Variants in FBXL7 observed in about 807,000 individuals in gnomAD.
FBXL7 encodes F-box and leucine rich repeat protein 7.
Under a neutral mutation model 38.3 loss-of-function variants are expected in FBXL7, and 12 were observed. The ratio of observed to expected loss-of-function variants is 0.31; its 90% CI spans 0.20 to 0.51. The LOEUF is 0.51. FBXL7 is among the 20% of genes least tolerant of loss of function. The pLI, the probability that FBXL7 is intolerant of heterozygous loss-of-function variation, is 0.98. For missense variants in FBXL7, 567 were observed against 676.4 expected (o/e 0.84, Z 1.79); for synonymous variants, 297 against 300.9 (o/e 0.99, Z 0.13).
intron 1 of FBXL7, among the ~76,000 whole-genome samples, chr5:15,557,078 C>T (rs1052836388): frequency 6.6e-6 from 1 of 152,188 alleles, no homozygotes; most frequent in African/African-American, 2.4e-5. Context: ...GCTGGGACTA[C>T]AGGTGTCCAC....
intron 1 of FBXL7, among the ~76,000 whole-genome samples, chr5:15,574,292 A>G (rs1738888245): frequency 6.6e-6 from 1 of 152,232 alleles, no homozygotes; most frequent in South Asian, 2.1e-4. Flanking sequence ...GCAGATAGAT[A>G]AAATATGCTT....
intron 2 of FBXL7, among the ~76,000 whole-genome samples, chr5:15,633,850 G>A (rs76027611): frequency 0.085 from 12,868 of 150,922 alleles, 631 homozygotes; most frequent in South Asian, 0.13. Flanking sequence ...GCACGATCTC[G>A]GCTCACTACA....
At chr5:15,599,725 G>A (rs1739737470) in intron 1 of FBXL7, among the ~76,000 whole-genome samples, 1 of 152,174 alleles carries the variant, frequency 6.6e-6, no homozygotes, top group African/African-American at 2.4e-5. Flanking sequence ...GTGTGAAATT[G>A]AGCTGTAGAT....
At chr5:15,714,848 C>CAAAAA (rs35229749) in intron 2 of FBXL7, among the ~76,000 whole-genome samples, 1 of 76,660 alleles carries the variant, frequency 1.3e-5, no homozygotes, top group Non-Finnish European at 2.4e-5. Flanking sequence ...GAGTCCGTCT[C>CAAAAA]AAAAAAAAAA....
intron 2 of FBXL7, among the ~76,000 whole-genome samples, chr5:15,670,355 A>G (rs963152045): frequency 3.3e-5 from 5 of 152,196 alleles, no homozygotes; most frequent in African/African-American, 1.2e-4. Flanking sequence ...GTCTTTCTCC[A>G]TATGGTTTAC....
intron 2 of FBXL7, among the ~76,000 whole-genome samples, chr5:15,807,856 A>C (rs1440324809): frequency 6.6e-6 from 1 of 152,182 alleles, no homozygotes; most frequent in Non-Finnish European, 1.5e-5. Context: ...AGTGGTTACA[A>C]GTAAGTAACA....
chr5:15,885,888 T>C (rs920355934), intron 2 of FBXL7, among the ~76,000 whole-genome samples: 4 of 151,774 alleles, frequency 2.6e-5, no homozygotes, highest in African/African-American at 9.7e-5. Context: ...TTAATTTATT[T>C]TATTTTTTTT....
chr5:15,509,211 A>G (rs926363179), intron 1 of FBXL7, among the ~76,000 whole-genome samples: 1 of 152,208 alleles, frequency 6.6e-6, no homozygotes, highest in Non-Finnish European at 1.5e-5. Flanking sequence ...GCAGAGTGGC[A>G]GTTCTTCCTC....
chr5:15,730,882 C>A (rs1319134721), intron 2 of FBXL7, among the ~76,000 whole-genome samples: 1 of 152,134 alleles, frequency 6.6e-6, no homozygotes, highest in African/African-American at 2.4e-5. Flanking sequence ...CACCCCATAA[C>A]CTTTAGTGAC....
intron 3 of FBXL7, among the ~76,000 whole-genome samples, chr5:15,933,758 A>G (rs1037771265): frequency 5.3e-5 from 8 of 152,182 alleles, no homozygotes; most frequent in Non-Finnish European, 1.0e-4. Context: ...GCCTACCAGG[A>G]GGTGGGAGGA....
At chr5:15,576,341 C>T (rs1738969088) in intron 1 of FBXL7, among the ~76,000 whole-genome samples, 2 of 152,058 alleles carry the variant, frequency 1.3e-5, no homozygotes, top group Non-Finnish European at 2.9e-5. Context: ...GCCTTGGCCT[C>T]CCAAACTGCT....
intron 1 of FBXL7, among the ~76,000 whole-genome samples, chr5:15,547,256 C>T (rs981640733): frequency 6.6e-6 from 1 of 152,190 alleles, no homozygotes; most frequent in African/African-American, 2.4e-5. Context: ...GGGATACCCC[C>T]TAAGTGTTTA....
intron 2 of FBXL7, among the ~76,000 whole-genome samples, chr5:15,804,027 T>C (rs985098965): frequency 9.9e-5 from 15 of 152,202 alleles, no homozygotes; most frequent in Non-Finnish European, 1.8e-4. Context: ...ACAGGATTCT[T>C]ACAACCACAT....
chr5:15,772,617 A>G (rs1736756299), intron 2 of FBXL7, among the ~76,000 whole-genome samples: 1 of 152,144 alleles, frequency 6.6e-6, no homozygotes, highest in Non-Finnish European at 1.5e-5. Flanking sequence ...TAAAATGGAA[A>G]TAATAATACC....
At chr5:15,582,411 A>G (rs1739172872) in intron 1 of FBXL7, among the ~76,000 whole-genome samples, 1 of 152,188 alleles carries the variant, frequency 6.6e-6, no homozygotes, top group South Asian at 2.1e-4. Flanking sequence ...ATGATGGAAA[A>G]AAGGAAAGAG....
chr5:15,843,064 G>A (rs1505042), intron 2 of FBXL7, among the ~76,000 whole-genome samples: 1 of 152,026 alleles, frequency 6.6e-6, no homozygotes, highest in Non-Finnish European at 1.5e-5. Flanking sequence ...CTTTATATCA[G>A]GCTTATGTTT....
At chr5:15,760,535 AACACATT>A (rs1289092448) in intron 2 of FBXL7, among the ~76,000 whole-genome samples, 1 of 152,038 alleles carries the variant, frequency 6.6e-6, no homozygotes, top group African/African-American at 2.4e-5. Flanking sequence ...ATCATTGCCT[AACACATT>A]GAGCTTTACC....
intron 2 of FBXL7, among the ~76,000 whole-genome samples, chr5:15,758,229 A>G (rs1005429754): frequency 6.6e-6 from 1 of 152,138 alleles, no homozygotes; most frequent in African/African-American, 2.4e-5. Flanking sequence ...ATTTCTAAAA[A>G]TCAGAGAGAA....
chr5:15,515,295 C>T (rs956964142), intron 1 of FBXL7, among the ~76,000 whole-genome samples: 32 of 152,160 alleles, frequency 2.1e-4, no homozygotes, highest in African/African-American at 7.5e-4. Context: ...AAATTCTGTG[C>T]ACTAAAGTGA....
Sources: allele counts gnomAD v4.1 joint callset (sites outside exome capture counted in the v4.1 genomes callset), GRCh38; gene constraint gnomAD v4.1.1; transcripts MANE v1.5; gene names NCBI Gene and HGNC (gene_info 2026-07-23, HGNC 2026-07-21).